CSMD2: variants seen among roughly 807,000 people sequenced by gnomAD.
The protein encoded by CSMD2 is CUB and Sushi multiple domains 2.
CSMD2 carries 130 observed loss-of-function variants against 398.5 expected under a neutral mutation model. The observed-to-expected ratio is 0.33, with a 90% CI of 0.28 to 0.38. The LOEUF is 0.38. CSMD2 is among the 10% of genes least tolerant of loss of function. The pLI is 1.00. For missense variants in CSMD2, 3,829 were observed against 4,764.9 expected, an observed-to-expected ratio of 0.80 and a Z score of 5.78; for synonymous variants, 1,828 against 1,908.5, an observed-to-expected ratio of 0.96 and a Z score of 1.10.
chr1:33,836,097 T>C (rs1340800344), intron 6 of CSMD2, among the ~76,000 whole-genome samples: 1 of 152,278 alleles, frequency 6.6e-6, no homozygotes, highest in Non-Finnish European at 1.5e-5. Context: ...GACCCTCAGC[T>C]GCAGGTGTGT....
At chr1:33,768,343 G>C (rs548027402) in intron 13 of CSMD2, among the ~76,000 whole-genome samples, 3 of 152,240 alleles carry the variant, frequency 2.0e-5, no homozygotes, top group African/African-American at 7.2e-5. Context: ...TGTGGGGCGG[G>C]TGCTACTGGT....
chr1:34,089,406 T>C (rs1286599368), intron 1 of CSMD2, among the ~76,000 whole-genome samples: 2 of 152,110 alleles, frequency 1.3e-5, no homozygotes, highest in African/African-American at 2.4e-5. Context: ...TGATACATTG[T>C]GTATCATTTA....
chr1:33,947,785 C>G (rs1003233488), intron 3 of CSMD2, among the ~76,000 whole-genome samples: 2 of 152,246 alleles, frequency 1.3e-5, no homozygotes, highest in African/African-American at 4.8e-5. Context: ...TCAGCATAAG[C>G]ACCATCGCTT....
In CSMD2 at chr1:33,624,979, A is replaced by G; in HGVS notation, c.5500+72T>C. The G allele has an allele frequency of 6.8e-7, 1 of 1,470,974 alleles. No individual in the cohort carries two copies. Among genetic ancestry groups the G allele is most frequent in the South Asian group, 1.2e-5 (1 of 86,744 alleles). 91.1% of individuals were successfully genotyped at this position (1,470,974 alleles called of 1,614,324 possible). Reference sequence around the variant, plus strand: ...GTGTCGTGGGGCATCACTGGGGCTGACTGCCTCCCCTACAGAGAAAGGACT... The same window carrying G: ...GTGTCGTGGGGCATCACTGGGGCTGGCTGCCTCCCCTACAGAGAAAGGACT... On this transcript the variant is annotated intron_variant, in intron 34 of 70. Transcript: ENST00000373381. The surrounding 1 kb of genome is among the most constrained non-coding windows in gnomAD (Gnocchi z 4.7).
chr1:33,890,592 A>G (rs1415927049), intron 5 of CSMD2, among the ~76,000 whole-genome samples: 1 of 151,992 alleles, frequency 6.6e-6, no homozygotes, highest in African/African-American at 2.4e-5. Flanking sequence ...CGCCAAGTCA[A>G]TCCTAAGCCA....
intron 6 of CSMD2, among the ~76,000 whole-genome samples, chr1:33,842,044 C>CA (rs1302429841): frequency 2.0e-5 from 3 of 152,062 alleles, no homozygotes; most frequent in Non-Finnish European, 4.4e-5. Flanking sequence ...CCTGACATCC[C>CA]AACATTACCC....
intron 1 of CSMD2, among the ~76,000 whole-genome samples, chr1:34,142,912 G>A (rs1027077226): frequency 1.3e-5 from 2 of 152,128 alleles, no homozygotes; most frequent in African/African-American, 4.8e-5. Flanking sequence ...TGTGATTTGT[G>A]CCACTGCTGG....
chr1:34,120,196 T>G (rs1662028270), intron 1 of CSMD2, among the ~76,000 whole-genome samples: 1 of 152,202 alleles, frequency 6.6e-6, no homozygotes, highest in Non-Finnish European at 1.5e-5. Context: ...AACCTATAAA[T>G]AAGTCACAAA....
intron 32 of CSMD2, among the ~76,000 whole-genome samples, chr1:33,632,470 C>T (rs1247801393): frequency 6.6e-6 from 1 of 151,936 alleles, no homozygotes; most frequent in East Asian, 1.9e-4. Flanking sequence ...ACAATAAATT[C>T]ACAAATAAAA....
In CSMD2 at chr1:33,633,439, A is replaced by T. The variant is rs762374454; in HGVS notation, c.5183T>A (p.Leu1728His). Reference sequence around the variant, plus strand: ...CCGGATACCTGTATGGGAGCCCGAGAGGGAGCTGAGGAGCCGCGAGTGCTG... The same window carrying T: ...CCGGATACCTGTATGGGAGCCCGAGTGGGAGCTGAGGAGCCGCGAGTGCTG... ...HSQHSRLLSS[L>H]SGSHTGESLP... Residue 1728 changes from leucine (L) to histidine (H), a missense_variant, in exon 32 of 71, where the codon CTC (leucine) becomes CAC (histidine). Physicochemically the swap from Leu to His is moderately conservative, Grantham distance 99. Transcript: ENST00000373381. The surrounding 1 kb of genome is among the most constrained non-coding windows in gnomAD (Gnocchi z 5.0). 12 of 1,552,460 alleles carry T rather than the reference A, an allele frequency of 7.7e-6. No homozygotes were observed. Among genetic ancestry groups the T allele is most frequent in the Admixed American group, 3.9e-5 (2 of 51,104 alleles).
chr1:33,659,129 C>T (rs1459863834), intron 26 of CSMD2, among the ~76,000 whole-genome samples: 1 of 152,186 alleles, frequency 6.6e-6, no homozygotes, highest in African/African-American at 2.4e-5. Flanking sequence ...ATTCAAAATA[C>T]TCAGGAATTT....
At chr1:33,918,640 T>A (rs1022263906) in intron 4 of CSMD2, among the ~76,000 whole-genome samples, 2 of 152,152 alleles carry the variant, frequency 1.3e-5, no homozygotes, top group African/African-American at 4.8e-5. Flanking sequence ...AGATGACTCA[T>A]CACAGGGTAA....
At position 34,136,681 on chromosome 1, in the gene CSMD2, AT is replaced by A. The variant is rs66672381; in HGVS notation, c.187+28229del. On this transcript the variant is annotated intron_variant, in intron 1 of 70. Transcript: ENST00000373381. ...ATTATCCAGTTCAGCCTTTATTACC[AT>A]TTTTTGTCCAGCCAATCCCCAAATG... Among the ~76,000 whole-genome samples the A allele has an allele frequency of 1.8e-3, 269 of 152,294 alleles. 1 individual carries two copies. Among genetic ancestry groups the A allele is most frequent in the African/African-American group, 6.1e-3 (253 of 41,558 alleles).
intron 1 of CSMD2, among the ~76,000 whole-genome samples, chr1:34,095,079 C>G (rs1285349518): frequency 8.8e-6 from 1 of 114,246 alleles, no homozygotes; most frequent in African/African-American, 3.5e-5. Context: ...ACAGTGCAAT[C>G]AAACTAGAAC....
At chr1:33,841,840 T>TA (rs2125066806) in intron 6 of CSMD2, among the ~76,000 whole-genome samples, 1 of 152,324 alleles carries the variant, frequency 6.6e-6, no homozygotes, top group South Asian at 2.1e-4. Context: ...GAGGACCTGT[T>TA]AGTCTCCAAG....
At chr1:33,543,743 A>T (rs1214515957) in intron 57 of CSMD2, among the ~76,000 whole-genome samples, 1 of 152,258 alleles carries the variant, frequency 6.6e-6, no homozygotes, top group African/African-American at 2.4e-5. Flanking sequence ...TCTTTAGGAA[A>T]GACATTTTCT....
chr1:33,707,583 C>A (rs1322021138), intron 22 of CSMD2, among the ~76,000 whole-genome samples: 1 of 152,186 alleles, frequency 6.6e-6, no homozygotes, highest in Non-Finnish European at 1.5e-5. Context: ...CCATTTCAGG[C>A]ACATCCAGTC....
intron 5 of CSMD2, chr1:33,870,359 CA>C: frequency 6.6e-6 from 1 of 152,282 alleles, no homozygotes; most frequent in Middle Eastern, 3.4e-3. Context: ...GAGCAGCACA[CA>C]AGAAGATAGC....
intron 5 of CSMD2, chr1:33,884,632 A>G (rs941052039): frequency 6.6e-6 from 1 of 152,322 alleles, no homozygotes; most frequent in Non-Finnish European, 1.5e-5. Context: ...GCCTGCATCC[A>G]TCCTTCCATC....
Sources: allele counts gnomAD v4.1 joint callset (sites outside exome capture counted in the v4.1 genomes callset), GRCh38; gene constraint gnomAD v4.1.1; non-coding constraint Gnocchi (gnomAD v3.1); transcripts MANE v1.5; gene names NCBI Gene and HGNC (gene_info 2026-07-23, HGNC 2026-07-21).